The following DUS2 variants were observed in gnomAD, a reference collection of about 807,000 sequenced individuals.
The protein encoded by DUS2 is tRNA-dihydrouridine(20) synthase [NAD(P)+]-like.
In DUS2, 52 loss-of-function variants were observed where a neutral mutation model predicts 71.3. The ratio of observed to expected loss-of-function variants is 0.73; its 90% CI spans 0.58 to 0.92. The LOEUF is 0.92. Among genes scored for constraint, DUS2 ranks in the 40% least tolerant of loss-of-function variants. The pLI is 0.00. For missense variants in DUS2, 558 were observed against 622.6 expected (o/e 0.90, Z 1.10); for synonymous variants, 204 against 227.8 (o/e 0.90, Z 0.94).
chr16:68,039,082 T>C (rs1389943362), intron 3 of DUS2, among the ~76,000 whole-genome samples: 1 of 151,410 alleles, frequency 6.6e-6, no homozygotes, highest in East Asian at 1.9e-4. Flanking sequence ...AGAAAACCAC[T>C]ATATAGAGAG....
chr16:68,038,996 C>T (rs1010634261), intron 3 of DUS2, among the ~76,000 whole-genome samples: 8 of 149,850 alleles, frequency 5.3e-5, no homozygotes, highest in Non-Finnish European at 1.2e-4. Context: ...TCCAGGAGTT[C>T]GAGACCAGCC....
rs533333487 is a variant in DUS2 at position 68,023,287 on chromosome 16, A to G, written c.-163A>G. 10 of 1,465,488 alleles carry G rather than the reference A, an allele frequency of 6.8e-6. No individual in the cohort carries two copies. In the African/African-American group the frequency reaches 9.8e-5, roughly 14 times the overall value. The allele number at this position is 1,465,488 out of a possible 1,614,324, so 90.8% of individuals were successfully genotyped here. Reference sequence around the variant, plus strand: ...CGTACGGTGGCTGGCGAGGCTCAGTACGGTGTGTGGAGCTGGAGCACCGTG... The same window carrying G: ...CGTACGGTGGCTGGCGAGGCTCAGTGCGGTGTGTGGAGCTGGAGCACCGTG... On this transcript the variant is annotated 5_prime_UTR_variant, in exon 1 of 17. Transcript: ENST00000565263.
At chr16:68,046,441 C>T (rs537042772) in intron 3 of DUS2, among the ~76,000 whole-genome samples, 7 of 151,836 alleles carry the variant, frequency 4.6e-5, no homozygotes, top group East Asian at 1.9e-4. Flanking sequence ...TGCAGTGGCA[C>T]GATCTCAGCT....
chr16:68,054,656 T>G, intron 6 of DUS2, 39 bp downstream of exon 6: 4 of 1,612,996 alleles, frequency 2.5e-6, no homozygotes, highest in Non-Finnish European at 3.4e-6. Context: ...CCTTTGCCTC[T>G]CCTTTGAGCT....
At chr16:68,047,964 G>A (rs1033103224) in intron 3 of DUS2, among the ~76,000 whole-genome samples, 3 of 151,908 alleles carry the variant, frequency 2.0e-5, no homozygotes, top group African/African-American at 4.8e-5. Context: ...AAAATGTTTT[G>A]TAGAGACAAG....
Position 68,078,949 on chromosome 16 carries a change from T to G in DUS2, c.1445T>G (p.Leu482Trp). The change falls in exon 17 of 17, where the codon TTG (leucine) becomes TGG (tryptophan). Residue 482 changes from leucine (L) to tryptophan (W), a missense_variant. Leu to Trp is a moderately conservative substitution (Grantham distance 61). Coordinates refer to ENST00000565263, the MANE Select transcript of DUS2 (RefSeq NM_017803.5). ...GDLCKKPFVA[L>W]GSGEESPLEG... ...CTGTGCAAGAAGCCCTTTGTGGCCT[T>G]GGGAAGTGGTGAAGAAAGCCCCCTG... 6.3e-7 allele frequency: 1 copy of G among 1,591,314 alleles called. No homozygotes were observed. Among genetic ancestry groups the G allele is most frequent in the South Asian group, 1.1e-5 (1 of 88,996 alleles).
intron 3 of DUS2, among the ~76,000 whole-genome samples, chr16:68,046,019 G>C (rs1361283089): frequency 6.6e-6 from 1 of 152,068 alleles, no homozygotes; most frequent in Non-Finnish European, 1.5e-5. Context: ...TCCCTGGCCT[G>C]GGAAACTTTT....
At chr16:68,077,258 G>A (rs2034171570) in intron 15 of DUS2, 2 of 151,998 alleles carry the variant, frequency 1.3e-5, no homozygotes, top group Admixed American at 1.3e-4. Flanking sequence ...TAAATAAATG[G>A]GGTCTTGCTT....
At chr16:68,037,782 C>A in intron 2 of DUS2, 2 of 305,258 alleles carry the variant, frequency 6.6e-6, no homozygotes, top group Non-Finnish European at 6.1e-6. Flanking sequence ...CGCCCATAAT[C>A]CCAGTTACTT....
chr16:68,040,828 CG>C (rs970807047), intron 3 of DUS2, among the ~76,000 whole-genome samples: 4 of 107,946 alleles, frequency 3.7e-5, no homozygotes, highest in African/African-American at 1.1e-4. Context: ...CTGGGGGTGG[CG>C]GGGGGGAGTT....
At chr16:68,067,507 C>A (rs2151424236) in intron 10 of DUS2, among the ~76,000 whole-genome samples, 1 of 151,382 alleles carries the variant, frequency 6.6e-6, no homozygotes, top group Non-Finnish European at 1.5e-5. Flanking sequence ...GTTTCAAACT[C>A]CTGATCTCAG....
intron 4 of DUS2, 148 bp downstream of exon 4, chr16:68,049,698 T>G: frequency 1.4e-6 from 1 of 735,814 alleles, no homozygotes. Context: ...CAGTCACTGA[T>G]CTCCAGAGGC....
At chr16:68,048,509 A>G (rs2033735110) in intron 3 of DUS2, among the ~76,000 whole-genome samples, 1 of 152,178 alleles carries the variant, frequency 6.6e-6, no homozygotes, top group Non-Finnish European at 1.5e-5. Context: ...GTTCAGGCCT[A>G]GTGGTCATCA....
chr16:68,044,052 C>T (rs1455848895), intron 3 of DUS2, among the ~76,000 whole-genome samples: 1 of 152,176 alleles, frequency 6.6e-6, no homozygotes, highest in Non-Finnish European at 1.5e-5. Context: ...GTCTGTATGT[C>T]TACCTGTATG....
intron 2 of DUS2, among the ~76,000 whole-genome samples, chr16:68,037,268 A>G (rs1372923673): frequency 6.6e-6 from 1 of 151,606 alleles, no homozygotes; most frequent in East Asian, 1.9e-4. Context: ...ATGTGCATGT[A>G]TACTAATTTT....
At chr16:68,035,989 A>ATTATTT (rs201379533) in intron 2 of DUS2, among the ~76,000 whole-genome samples, 1 of 142,492 alleles carries the variant, frequency 7.0e-6, no homozygotes, top group African/African-American at 2.7e-5. Flanking sequence ...ACATATATAT[A>ATTATTT]TTATTTTTAT....
rs73604383 is a variant in DUS2, at chr16:68,074,234, C to T, written c.932+79C>T. On this transcript the variant is annotated intron_variant, in intron 13 of 16. Transcript: ENST00000565263. ...ACTTTGAGCCCTAAGCTGACTCCAC[C>T]AGGGGACCAGGGACACAGCTTCTGG... The T allele has an allele frequency of 2.6e-3, 4,049 of 1,545,514 alleles. 91 individuals carry two copies. In the African/African-American group the frequency reaches 0.048, roughly 18 times the overall value.
In DUS2 at chr16:68,056,428, A is replaced by G; in HGVS notation, c.369+4A>G. 1 of 1,612,214 alleles carries G rather than the reference A, an allele frequency of 6.2e-7. No homozygotes were observed. Among genetic ancestry groups the G allele is most frequent in the Non-Finnish European group, 8.5e-7 (1 of 1,178,624 alleles). On this transcript the variant is annotated splice_donor_region_variant and intron_variant, in intron 7 of 16. Coordinates refer to ENST00000565263, the MANE Select transcript of DUS2 (RefSeq NM_017803.5). ...TCCAAAACAATATTCCACCAAGGTA[A>G]ACTGGTTTCTTTATACTCCTCATAA... is the stretch of plus-strand genomic sequence containing the variant.
intron 15 of DUS2, chr16:68,077,576 A>T (rs979407353): frequency 2.0e-5 from 3 of 151,732 alleles, no homozygotes; most frequent in African/African-American, 7.3e-5. Flanking sequence ...TTCAGTAGGG[A>T]TGGGGTTTCA....
Sources: gnomAD v4.1 joint callset for allele counts (sites outside exome capture counted in the v4.1 genomes callset) on GRCh38, gnomAD v4.1.1 for gene constraint, MANE v1.5 for transcripts, NCBI Gene and HGNC (gene_info 2026-07-23, HGNC 2026-07-21) for gene names.